Variants in RANBP2 observed in about 807,000 individuals in gnomAD.
RANBP2 encodes the protein RAN binding protein 2, also known as E3 SUMO-protein ligase RanBP2.
In RANBP2, 57 loss-of-function variants were observed where a neutral mutation model predicts 303.6. The ratio of observed to expected loss-of-function variants is 0.19; its 90% CI spans 0.15 to 0.23. RANBP2 has a LOEUF of 0.23. Among genes scored for constraint, RANBP2 ranks in the 10% least tolerant of loss-of-function variants. The pLI is 1.00. For synonymous variants in RANBP2, 1,167 were observed against 1,301.5 expected (o/e 0.90, Z 2.23); for missense variants, 3,138 against 3,780.8 (o/e 0.83, Z 4.46).
the RANBP2 span, among the ~76,000 whole-genome samples, chr2:108,829,735 G>T: frequency 1.3e-5 from 2 of 152,184 alleles, no homozygotes; most frequent in African/African-American, 4.8e-5. Context: ...GACAAATTGA[G>T]ACTGTGTCAA....
the RANBP2 span, among the ~76,000 whole-genome samples, chr2:109,642,258 G>T: frequency 3.3e-5 from 5 of 152,058 alleles, no homozygotes; most frequent in African/African-American, 1.2e-4. Flanking sequence ...TAACTTTCAG[G>T]TATCATCATC....
chr2:109,320,969 A>G, the RANBP2 span, among the ~76,000 whole-genome samples: 1 of 152,212 alleles, frequency 6.6e-6, no homozygotes, highest in Non-Finnish European at 1.5e-5. Flanking sequence ...GTTTTAGGAT[A>G]TGGATTAGAT....
chr2:109,309,677 A>G, the RANBP2 span, among the ~76,000 whole-genome samples: 145 of 128,798 alleles, frequency 1.1e-3, 18 homozygotes, highest in Middle Eastern at 7.6e-3. Flanking sequence ...CAAATGGAAA[A>G]CAAAAAAAGG....
the RANBP2 span, chr2:109,565,929 T>C: frequency 7.6e-7 from 1 of 1,315,266 alleles, no homozygotes; most frequent in Admixed American, 1.7e-5. Context: ...AAATTTTATG[T>C]GAGAGAGAAG....
the RANBP2 span, chr2:108,878,505 A>G: frequency 1.9e-5 from 4 of 215,712 alleles, no homozygotes; most frequent in Admixed American, 4.1e-5. Context: ...TGCTGTATCA[A>G]GGTCACTGTC....
intron 1 of RANBP2, among the ~76,000 whole-genome samples, chr2:108,722,540 A>G (rs553712506): frequency 6.6e-6 from 1 of 151,392 alleles, no homozygotes; most frequent in East Asian, 1.9e-4. Flanking sequence ...TTGGAGTGTG[A>G]TGATGCGTCT....
chr2:109,524,444 CAAAAAAAAAA>C, the RANBP2 span, among the ~76,000 whole-genome samples: 6 of 84,436 alleles, frequency 7.1e-5, no homozygotes, highest in South Asian at 1.4e-3. Context: ...GACCCTGTCT[CAAAAAAAAAA>C]AAAAAAAAAA....
At chr2:108,974,593 G>GGT in the RANBP2 span, among the ~76,000 whole-genome samples, 1 of 151,906 alleles carries the variant, frequency 6.6e-6, no homozygotes. Flanking sequence ...AGCTGGGCAT[G>GGT]GTGGTGTGTG....
intron 9 of RANBP2, among the ~76,000 whole-genome samples, chr2:108,750,140 C>T (rs527565976): frequency 5.9e-5 from 9 of 152,328 alleles, no homozygotes; most frequent in Admixed American, 3.3e-4. Flanking sequence ...AGCGAGACTT[C>T]GTCTCAAAAA....
At chr2:109,647,155 CTTTTTTTTTTTTT>C in the RANBP2 span, among the ~76,000 whole-genome samples, 27 of 71,526 alleles carry the variant, frequency 3.8e-4, no homozygotes, top group African/African-American at 1.0e-3. Context: ...GCTCTCCTCA[CTTTTTTTTTTTTT>C]TTTTTTTTTT....
At chr2:108,815,899 A>G in the RANBP2 span, 1 of 1,519,126 alleles carries the variant, frequency 6.6e-7, no homozygotes, top group Non-Finnish European at 8.9e-7. Flanking sequence ...AAGTTTTATG[A>G]AGTTGTGAAC....
the RANBP2 span, among the ~76,000 whole-genome samples, chr2:109,250,454 G>A: frequency 1.3e-5 from 2 of 151,404 alleles, no homozygotes; most frequent in Non-Finnish European, 2.9e-5. Flanking sequence ...TGATATACTC[G>A]GAAAACTTAC....
At chr2:109,325,527 C>T in the RANBP2 span, among the ~76,000 whole-genome samples, 1 of 151,672 alleles carries the variant, frequency 6.6e-6, no homozygotes, top group South Asian at 2.1e-4. Context: ...TTCTTGGTTC[C>T]CCGCTTCCCC....
the RANBP2 span, among the ~76,000 whole-genome samples, chr2:109,425,998 A>C: frequency 6.6e-6 from 1 of 152,094 alleles, no homozygotes; most frequent in African/African-American, 2.4e-5. Flanking sequence ...CCTGGGTTCA[A>C]GCCATTCTCC....
At chr2:109,142,653 A>T in the RANBP2 span, among the ~76,000 whole-genome samples, 1 of 152,002 alleles carries the variant, frequency 6.6e-6, no homozygotes, top group African/African-American at 2.4e-5. Flanking sequence ...TGCATCTTGG[A>T]GCCCTCCATC....
the RANBP2 span, among the ~76,000 whole-genome samples, chr2:109,659,094 C>T: frequency 6.9e-6 from 1 of 145,162 alleles, no homozygotes; most frequent in East Asian, 2.1e-4. Context: ...AATAAACTCA[C>T]AGCCAAGCGC....
At chr2:109,528,600 C>A in the RANBP2 span, among the ~76,000 whole-genome samples, 1 of 152,252 alleles carries the variant, frequency 6.6e-6, no homozygotes, top group African/African-American at 2.4e-5. Flanking sequence ...GGAATCAGGC[C>A]CAGGAGACTG....
the RANBP2 span, among the ~76,000 whole-genome samples, chr2:109,368,419 G>A: frequency 6.6e-6 from 1 of 151,998 alleles, no homozygotes; most frequent in African/African-American, 2.4e-5. Context: ...CATATACAGT[G>A]GATTAGAGAA....
At chr2:108,971,787 A>G in the RANBP2 span, among the ~76,000 whole-genome samples, 6 of 152,194 alleles carry the variant, frequency 3.9e-5, no homozygotes, top group Non-Finnish European at 8.8e-5. Context: ...CAAAAGGTGG[A>G]GCCTAATTCC....
Sources: gnomAD v4.1 joint callset for allele counts (sites outside exome capture counted in the v4.1 genomes callset) on GRCh38, gnomAD v4.1.1 for gene constraint, MANE v1.5 for transcripts, NCBI Gene and HGNC (gene_info 2026-07-23, HGNC 2026-07-21) for gene names.